Variants in CEACAM19 observed in about 807,000 individuals in gnomAD.
CEACAM19 encodes the protein cell adhesion molecule CEACAM19.
Under a neutral mutation model 37.6 loss-of-function variants are expected in CEACAM19, and 37 were observed. The observed-to-expected ratio is 0.98, with a 90% CI of 0.76 to 1.29. The LOEUF (loss-of-function observed/expected upper bound fraction) is 1.29. Among genes scored for constraint, CEACAM19 ranks in the 50% most tolerant of loss-of-function variants. The pLI, the probability that CEACAM19 is intolerant of heterozygous loss-of-function variation, is 0.00. For synonymous variants in CEACAM19, 140 were observed against 149.8 expected, an observed-to-expected ratio of 0.93 and a Z score of 0.48; for missense variants, 340 against 375.6, an observed-to-expected ratio of 0.91 and a Z score of 0.78.
intron 7 of CEACAM19, chr19:44,683,208 A>T: frequency 2.3e-6 from 1 of 430,438 alleles, no homozygotes; most frequent in Non-Finnish European, 4.2e-6. Flanking sequence ...CTCTCTCTCC[A>T]TTCTCTGTCT....
chr19:44,679,394 C>T (rs547107200), intron 4 of CEACAM19, among the ~76,000 whole-genome samples: 2 of 152,218 alleles, frequency 1.3e-5, no homozygotes, highest in South Asian at 4.1e-4. Flanking sequence ...CACTTGAGGT[C>T]AGGAGTTCGA....
upstream of CEACAM19, among the ~76,000 whole-genome samples, chr19:44,670,777 TCAAGAAAAAAAAAAA>T: frequency 1.2e-5 from 1 of 86,834 alleles, no homozygotes; most frequent in African/African-American, 4.7e-5. Context: ...AGACCCTGTC[TCAAGAAAAAAAAAAA>T]AAAAAAAAAA....
At chr19:44,680,457 C>T in intron 5 of CEACAM19, 123 bp downstream of exon 5, 1 of 893,160 alleles carries the variant, frequency 1.1e-6, no homozygotes, top group Non-Finnish European at 1.8e-6. Flanking sequence ...TGCCCCGAGA[C>T]CTCTCTGGGG....
At chr19:44,682,537 C>A in intron 6 of CEACAM19, 30 bp from the exon 7 acceptor site, 1 of 1,573,410 alleles carries the variant, frequency 6.4e-7, no homozygotes, top group East Asian at 2.3e-5. Context: ...GGGTGCCGAG[C>A]GCCCACTCAC....
At chr19:44,682,655 T>C (rs1974082831) in intron 7 of CEACAM19, 35 bp downstream of exon 7, 5 of 1,569,910 alleles carry the variant, frequency 3.2e-6, no homozygotes, top group Non-Finnish European at 4.3e-6. Flanking sequence ...GTGGTGGGGA[T>C]CCCACGGATC....
intron 3 of CEACAM19, 102 bp downstream of exon 3, chr19:44,676,523 A>G: frequency 8.6e-7 from 1 of 1,161,626 alleles, no homozygotes; most frequent in South Asian, 1.4e-5. Flanking sequence ...ACACAATCTC[A>G]TCAAATCTTG....
At chr19:44,677,241 A>G (rs1387328624) in intron 3 of CEACAM19, among the ~76,000 whole-genome samples, 1 of 152,208 alleles carries the variant, frequency 6.6e-6, no homozygotes, top group African/African-American at 2.4e-5. Context: ...GTTGGTGGCC[A>G]GGGAAAGCTC....
chr19:44,673,834 G>C (rs1441977117), intron 2 of CEACAM19: 1 of 152,236 alleles, frequency 6.6e-6, no homozygotes, highest in Non-Finnish European at 1.5e-5. Context: ...TTAGAGGAGA[G>C]ACCAGAAGAA....
intron 6 of CEACAM19, among the ~76,000 whole-genome samples, chr19:44,681,918 G>T (rs898676627): frequency 1.3e-5 from 2 of 148,684 alleles, no homozygotes; most frequent in African/African-American, 5.1e-5. Flanking sequence ...CGACAGGAGC[G>T]AGACTCCATC....
intron 7 of CEACAM19, 51 bp downstream of exon 7, chr19:44,682,671 G>T (rs1455089923): frequency 6.5e-7 from 1 of 1,536,022 alleles, no homozygotes; most frequent in Non-Finnish European, 8.8e-7. Context: ...GGATCCAGGA[G>T]CCCCGAAGCC....
At position 44,683,891 on chromosome 19, in the gene CEACAM19, A is replaced by G. The variant is rs62119328; in HGVS notation, c.*401A>G. ...TGTCTGTCCTCAATGCCCTACCCCA[A>G]CTCCACTAGTGACCCTCAGAGTCTT... On this transcript the variant is annotated 3_prime_UTR_variant, in exon 8 of 8. Transcript: ENST00000358777. 0.029 allele frequency: 4,967 copies of G among 173,272 alleles called. 90 individuals carry two copies. The highest frequency in any genetic ancestry group is 0.044 in the African/African-American group (1,865 of 42,248). 10.7% of individuals were successfully genotyped at this position (173,272 alleles called of 1,614,324 possible).
At chr19:44,680,084 G>A (rs1394637936) in intron 4 of CEACAM19, among the ~76,000 whole-genome samples, 1 of 152,102 alleles carries the variant, frequency 6.6e-6, no homozygotes, top group Non-Finnish European at 1.5e-5. Context: ...TTGGCATAAG[G>A]TGGTGGCTAG....
intron 5 of CEACAM19, 129 bp from the exon 6 acceptor site, chr19:44,681,098 T>C (rs1375007131): frequency 5.9e-6 from 4 of 679,862 alleles, no homozygotes; most frequent in Non-Finnish European, 1.0e-5. Flanking sequence ...TCCCCAGCAC[T>C]GGGTTTGGCT....
At position 44,678,937 on chromosome 19, in the gene CEACAM19, G is replaced by A. The variant is rs760847539; in HGVS notation, c.659+1G>A. The A allele has an allele frequency of 1.9e-6, 3 of 1,613,704 alleles. No homozygotes were observed. In the East Asian group the frequency reaches 6.7e-5, roughly 36 times the overall value. ...TGCCTTCAGTGACGCCCAGCACATG[G>A]TTGGTGCTTGTAAATACTTATTTAG... On this transcript the variant is annotated splice_donor_variant, in intron 4 of 7. Transcript: ENST00000358777. LOFTEE classifies it high-confidence loss of function.
Position 44,676,340 on chromosome 19 carries a change from G to T in CEACAM19, c.494G>T (p.Gly165Val), listed in dbSNP as rs1301496014. The change falls in exon 3 of 8, where the codon GGA becomes GTA. Residue 165 changes from glycine to valine, a missense_variant. Physicochemically the swap from Gly to Val is moderately radical, Grantham distance 109. Coordinates refer to ENST00000358777, the MANE Select transcript of CEACAM19 (RefSeq NM_001127893.3). ...GGGATCCTGGCGGCCACCATCATTG[G>T]ATCTCTTGCTGCCGGGGCCCTTCTC... Reference protein sequence around the residue: ...NAGILAATIIGSLAAGALLIS... With the variant: ...NAGILAATIIVSLAAGALLIS... The T allele has an allele frequency of 3.1e-6, 5 of 1,613,984 alleles. No individual in the cohort carries two copies. Among genetic ancestry groups the T allele is most frequent in the Non-Finnish European group, 4.2e-6 (5 of 1,180,024 alleles).
chr19:44,676,329 CA>C lies in CEACAM19; in HGVS notation c.484del (p.Thr162ProfsTer21). ...CCACCAACGCTGGGATCCTGGCGGC[CA>C]CCATCATTGGATCTCTTGCTGCCGG... ...LPTNAGILAA[T>X]IIGSLAAGAL... On this transcript the variant is annotated frameshift_variant, in exon 3 of 8. Coordinates refer to ENST00000358777, the MANE Select transcript of CEACAM19 (RefSeq NM_001127893.3). LOFTEE classifies it high-confidence loss of function. The C allele has an allele frequency of 6.2e-7, 1 of 1,614,094 alleles. No individual in the cohort carries two copies. Among genetic ancestry groups the C allele is most frequent in the Non-Finnish European group, 8.5e-7 (1 of 1,180,010 alleles).
upstream of CEACAM19, among the ~76,000 whole-genome samples, chr19:44,668,072 T>C (rs1369541950): frequency 1.2e-5 from 1 of 84,670 alleles, no homozygotes; most frequent in African/African-American, 5.0e-5. Context: ...ATATAATATA[T>C]AAATATATTT....
rs1046459335 is a variant in CEACAM19 at position 44,683,821 on chromosome 19, G to A, written c.*331G>A. 10 of 270,796 alleles carry A rather than the reference G, an allele frequency of 3.7e-5. No homozygotes were observed. Among genetic ancestry groups the A allele is most frequent in the Non-Finnish European group, 1.4e-5 (2 of 144,432 alleles). 16.8% of individuals were successfully genotyped at this position (270,796 alleles called of 1,614,324 possible). ...AGATCTGGATATCTGGGGACAAGAT[G>A]GTGGCCTCAGGCCTGCCTCCCAGGC... On this transcript the variant is annotated 3_prime_UTR_variant, in exon 8 of 8. Coordinates refer to ENST00000358777, the MANE Select transcript of CEACAM19 (RefSeq NM_001127893.3).
intron 7 of CEACAM19, 24 bp downstream of exon 7, chr19:44,682,644 G>T: frequency 6.3e-7 from 1 of 1,586,706 alleles, no homozygotes; most frequent in Non-Finnish European, 8.6e-7. Context: ...AGCTGGGAGG[G>T]GTGGTGGGGA....
Sources: allele counts gnomAD v4.1 joint callset (sites outside exome capture counted in the v4.1 genomes callset), GRCh38; gene constraint gnomAD v4.1.1; transcripts MANE v1.5; gene names NCBI Gene and HGNC (gene_info 2026-07-23, HGNC 2026-07-21).